GZMM: variants seen among roughly 807,000 people sequenced by gnomAD.
The protein encoded by GZMM is granzyme M, also known as HU-Met-1.
GZMM carries 23 observed loss-of-function variants against 19.2 expected under a neutral mutation model. The observed-to-expected ratio is 1.20, with a 90% CI of 0.86 to 1.69. GZMM has a LOEUF of 1.69. Among genes scored for constraint, GZMM ranks in the 40% most tolerant of loss-of-function variants. The probability of loss-of-function intolerance (pLI) is 0.00; values close to 1 mark genes in which losing one functional copy is unlikely to be tolerated. For missense variants in GZMM, 373 were observed against 352.2 expected (o/e 1.06, Z -0.47); for synonymous variants, 178 against 160.2 (o/e 1.11, Z -0.84).
Position 549,868 on chromosome 19 carries a change from G to C in GZMM, c.*77G>C. ...CCAGGGGTGCAGTGGGGTGGGTGAG[G>C]ACGGGTGGGAGGGACAGGGAGGGAC... On this transcript the variant is annotated 3_prime_UTR_variant, in exon 5 of 5. Transcript: ENST00000264553. The C allele has an allele frequency of 1.3e-5, 7 of 525,408 alleles. No homozygotes were observed. In the East Asian group the frequency reaches 1.6e-4, roughly 12 times the overall value. 32.5% of individuals were successfully genotyped at this position (525,408 alleles called of 1,614,324 possible). A position where few individuals can be genotyped will look rare whatever the true frequency, so the allele number is the denominator to read the frequency against.
At position 546,031 on chromosome 19, in the gene GZMM, T is replaced by C. The variant is rs142540635; in HGVS notation, c.56-1249T>C. The stretch of plus-strand genomic sequence containing the variant: ...CTGACCTCAGGCTGTCTGCCCACCT[T>C]GACCTCCCAAAGTGCTGGGATTATA... On this transcript the variant is annotated intron_variant, in intron 1 of 4. Transcript: ENST00000264553. 9.4e-3 allele frequency among the ~76,000 whole-genome samples: 1,403 copies of C among 149,534 alleles called. 57 individuals carry two copies. The East Asian group carries it at 0.15, about 16-fold the overall frequency.
At chr19:549,288 C>A (rs906919958) in intron 4 of GZMM, 103 bp downstream of exon 4, 8 of 1,185,190 alleles carry the variant, frequency 6.7e-6, no homozygotes, top group Non-Finnish European at 9.3e-6. Context: ...TCTGGGGAGT[C>A]CTGTCAGGGG....
intron 2 of GZMM, 98 bp downstream of exon 2, chr19:547,534 G>T: frequency 1.0e-6 from 1 of 985,016 alleles, no homozygotes; most frequent in Non-Finnish European, 1.3e-6. Context: ...TAGGCCCATT[G>T]TGGGACCCCC....
At chr19:545,581 A>C (rs1980246744) in intron 1 of GZMM, among the ~76,000 whole-genome samples, 1 of 151,730 alleles carries the variant, frequency 6.6e-6, no homozygotes, top group Non-Finnish European at 1.5e-5. Context: ...TCCCAACCTC[A>C]GGTGATCCGC....
chr19:546,899 G>C (rs1980305979), intron 1 of GZMM, among the ~76,000 whole-genome samples: 1 of 151,830 alleles, frequency 6.6e-6, no homozygotes, highest in Admixed American at 6.6e-5. Flanking sequence ...GCCCAGGCTG[G>C]TCTCGAACTC....
At chr19:544,235 G>T in intron 1 of GZMM, 109 bp downstream of exon 1, 1 of 899,844 alleles carries the variant, frequency 1.1e-6, no homozygotes. Flanking sequence ...TAAGAGCGGA[G>T]ATTCATCCTT....
chr19:546,405 G>A (rs919051082), intron 1 of GZMM, among the ~76,000 whole-genome samples: 5 of 151,946 alleles, frequency 3.3e-5, no homozygotes, highest in Non-Finnish European at 5.9e-5. Flanking sequence ...GCCGGACGTG[G>A]TGATGCGCTT....
At position 549,508 on chromosome 19, in the gene GZMM, C is replaced by T. The variant is rs1209442008; in HGVS notation, c.613-122C>T. 14 of 1,023,220 alleles carry T rather than the reference C, an allele frequency of 1.4e-5. No individual in the cohort carries two copies. The East Asian group carries it at 2.3e-4, about 17-fold the overall frequency. 63.4% of individuals were successfully genotyped at this position (1,023,220 alleles called of 1,614,324 possible). On this transcript the variant is annotated intron_variant, in intron 4 of 4. Transcript: ENST00000264553. ...GGAGGGGACACGCGTGGGCCGGGAG[C>T]AGCCCCTGTGTCTCCTTGAGCCTGG...
rs1196715866 is a variant in GZMM, at chr19:549,182, C to G, written c.609C>G (p.Cys203Trp). Reference sequence around the variant, plus strand: ...CCGACTCCAAGGACCAGGCTCCCTGCAAGGTGAGGGGCGCCCGGGTGGGGC... The same window carrying G: ...CCGACTCCAAGGACCAGGCTCCCTGGAAGGTGAGGGGCGCCCGGGTGGGGC... ...LAADSKDQAP[C>W]KGDSGGPLVC... is the part of the protein sequence containing the mutation. Residue 203 changes from cysteine to tryptophan, a missense_variant, in exon 4 of 5, where the codon TGC becomes TGG. By Grantham distance (215) the Cys-to-Trp change is radical. Transcript: ENST00000264553. 2 of 1,570,086 alleles carry G rather than the reference C, an allele frequency of 1.3e-6. No individual in the cohort carries two copies. The highest frequency in any genetic ancestry group is 2.7e-5 in the African/African-American group (2 of 74,206).
intron 4 of GZMM, 116 bp downstream of exon 4, chr19:549,301 G>C (rs1980423254): frequency 9.4e-7 from 1 of 1,069,324 alleles, no homozygotes; most frequent in African/African-American, 1.6e-5. Context: ...GTCAGGGGCT[G>C]GGGGGCGGGG....
rs1384782066 is a variant in GZMM at position 548,597 on chromosome 19, A to G, written c.268A>G (p.Thr90Ala). 2 of 1,613,274 alleles carry G rather than the reference A, an allele frequency of 1.2e-6. No individual in the cohort carries two copies. Among genetic ancestry groups the G allele is most frequent in the African/African-American group, 2.7e-5 (2 of 74,908 alleles). ...CCACACCCTGGACAGCCCCGGTCTC[A>G]CCTTCCACATCAAGGCAGCCATCCA... ...GLHTLDSPGL[T>A]FHIKAAIQHP... is the part of the protein sequence containing the mutation. The change falls in exon 3 of 5, where the codon ACC becomes GCC. Residue 90 changes from threonine (T) to alanine (A), a missense_variant. Transcript: ENST00000264553.
chr19:545,043 CT>C (rs1302683416), intron 1 of GZMM, among the ~76,000 whole-genome samples: 1 of 152,030 alleles, frequency 6.6e-6, no homozygotes, highest in African/African-American at 2.4e-5. Context: ...CTCTCTCTTC[CT>C]TTCCCCCCTC....
intron 4 of GZMM, 123 bp downstream of exon 4, chr19:549,308 G>A (rs570956110): frequency 1.9e-5 from 19 of 1,015,504 alleles, no homozygotes; most frequent in Middle Eastern, 3.2e-4. Flanking sequence ...GCTGGGGGGC[G>A]GGGAAGCACT....
rs751231756 is a variant in GZMM at position 547,296 on chromosome 19, C to G, written c.72C>G (p.Thr24=). The part of the protein sequence containing the change: ...GALSVGSSFG[T]QIIGGREVIP... ...TCCTGGCAGGCAGCTCCTTTGGGACCCAGATCATCGGGGGCCGGGAGGTGA... is the reference window on the plus strand; with the variant it reads ...TCCTGGCAGGCAGCTCCTTTGGGACGCAGATCATCGGGGGCCGGGAGGTGA... The change falls in exon 2 of 5, where the codon ACC becomes ACG. Residue 24 remains threonine (T), a synonymous_variant. Coordinates refer to ENST00000264553, the MANE Select transcript of GZMM (RefSeq NM_005317.4). The G allele has an allele frequency of 2.0e-5, 31 of 1,542,116 alleles. No individual in the cohort carries two copies. The highest frequency in any genetic ancestry group is 2.4e-5 in the Non-Finnish European group (28 of 1,145,970).
rs1490159547 is a variant in GZMM, at chr19:549,062, G to A, written c.489G>A (p.Leu163=). 2 of 1,592,094 alleles carry A rather than the reference G, an allele frequency of 1.3e-6. No individual in the cohort carries two copies. The highest frequency in any genetic ancestry group is 1.7e-6 in the Non-Finnish European group (2 of 1,170,960). ...THQGGRLSRV[L]RELDLQVLDT... is the part of the protein sequence containing the mutation. ...AGGGCGGGCGCCTGTCCCGGGTGCT[G>A]CGGGAGCTGGACCTCCAAGTGCTGG... is the stretch of plus-strand genomic sequence containing the variant. The change falls in exon 4 of 5, where the codon CTG becomes CTA. Residue 163 remains leucine (L), a synonymous_variant. Coordinates refer to ENST00000264553, the MANE Select transcript of GZMM (RefSeq NM_005317.4).
At chr19:547,132 C>A in intron 1 of GZMM, 148 bp from the exon 2 acceptor site, 1 of 613,642 alleles carries the variant, frequency 1.6e-6, no homozygotes. Context: ...CCACACGTAT[C>A]AGCCTAAAAG....
intron 1 of GZMM, among the ~76,000 whole-genome samples, chr19:545,158 T>C (rs928477225): frequency 1.6e-4 from 22 of 134,440 alleles, no homozygotes; most frequent in African/African-American, 6.4e-4. Flanking sequence ...GGGCTCGTGC[T>C]GTTCTAGGCC....
At chr19:549,421 T>C (rs1284672933) in intron 4 of GZMM, among the ~76,000 whole-genome samples, 1 of 152,090 alleles carries the variant, frequency 6.6e-6, no homozygotes. Flanking sequence ...TGACTTCTGC[T>C]CCAGCCAAGA....
In GZMM at chr19:549,085, T is replaced by TG; in HGVS notation, c.514dup (p.Asp172GlyfsTer6). 6.3e-7 allele frequency: 1 copy of TG among 1,587,780 alleles called. No homozygotes were observed. ...CTGCGGGAGCTGGACCTCCAAGTGC[T>TG]GGACACCCGCATGTGTAACAACAGC... On this transcript the variant is annotated frameshift_variant, in exon 4 of 5. Transcript: ENST00000264553. LOFTEE classifies it high-confidence loss of function.
Sources: gnomAD v4.1 joint callset for allele counts (sites outside exome capture counted in the v4.1 genomes callset) on GRCh38, gnomAD v4.1.1 for gene constraint, MANE v1.5 for transcripts, NCBI Gene and HGNC (gene_info 2026-07-23, HGNC 2026-07-21) for gene names.